Variants in DNAH9 observed in about 807,000 individuals in gnomAD.
DNAH9 encodes DNAH9 variant protein.
Under a neutral mutation model 471.6 loss-of-function variants are expected in DNAH9, and 345 were observed. That is an observed-to-expected ratio of 0.73 (90% CI 0.67 to 0.80). The LOEUF is 0.80. Ranked by LOEUF, DNAH9 falls within the 30% of genes least tolerant of loss-of-function variation. The pLI, the probability that DNAH9 is intolerant of heterozygous loss-of-function variation, is 0.00. For missense variants in DNAH9, 5,407 were observed against 5,609.2 expected, an observed-to-expected ratio of 0.96 and a Z score of 1.15; for synonymous variants, 2,093 against 2,123.6, an observed-to-expected ratio of 0.99 and a Z score of 0.40.
intron 61 of DNAH9, among the ~76,000 whole-genome samples, chr17:11,923,472 C>T (rs1042055083): frequency 3.3e-5 from 5 of 152,160 alleles, no homozygotes; most frequent in Non-Finnish European, 5.9e-5. Context: ...CCACCACGCC[C>T]AGCTAATTTT....
intron 10 of DNAH9, among the ~76,000 whole-genome samples, chr17:11,640,777 C>T (rs1008328795): frequency 1.3e-5 from 2 of 152,128 alleles, no homozygotes; most frequent in African/African-American, 4.8e-5. Flanking sequence ...GGTCTCTGTC[C>T]ATCAGGATAA....
At chr17:11,863,603 C>T (rs1373625330) in intron 50 of DNAH9, among the ~76,000 whole-genome samples, 1 of 151,414 alleles carries the variant, frequency 6.6e-6, no homozygotes, top group Non-Finnish European at 1.5e-5. Flanking sequence ...ATGGTGCCAG[C>T]TCCTCCTTGT....
rs869105187 is a variant in DNAH9 at position 11,811,989 on chromosome 17, CAAAAAAAAA to C, written c.8707+1650_8707+1658del. Among the ~76,000 whole-genome samples, 107 of 30,316 alleles carry C rather than the reference CAAAAAAAAA, an allele frequency of 3.5e-3. 6 individuals carry two copies. Among genetic ancestry groups the C allele is most frequent in the African/African-American group, 7.0e-3 (90 of 12,814 alleles). The allele number at this position is 30,316 out of a possible 152,430, so 19.9% of individuals were successfully genotyped here. A position where few individuals can be genotyped will look rare whatever the true frequency, so the allele number is the denominator to read the frequency against. On this transcript the variant is annotated intron_variant, in intron 45 of 68. Coordinates refer to ENST00000262442, the MANE Select transcript of DNAH9 (RefSeq NM_001372.4). ...TGGGTGACTGAGTGAGACTCTGTCTCAAAAAAAAAAAAAAAAAAAAAAAAAAAAAAAAAA... is the reference window on the plus strand; with the variant it reads ...TGGGTGACTGAGTGAGACTCTGTCTCAAAAAAAAAAAAAAAAAAAAAAAAA...
intron 1 of DNAH9, among the ~76,000 whole-genome samples, chr17:11,605,312 T>G (rs749195709): frequency 2.0e-5 from 3 of 152,198 alleles, no homozygotes; most frequent in Non-Finnish European, 4.4e-5. Context: ...TTCACAGAAC[T>G]TACTGTTTCT....
chr17:11,801,312 C>T (rs972270287), intron 43 of DNAH9, among the ~76,000 whole-genome samples: 2 of 152,136 alleles, frequency 1.3e-5, no homozygotes, highest in Admixed American at 1.3e-4. Flanking sequence ...GCTCCTTGAG[C>T]ACACAGACTG....
At chr17:11,766,232 C>A in intron 36 of DNAH9, among the ~76,000 whole-genome samples, 1 of 150,512 alleles carries the variant, frequency 6.6e-6, no homozygotes, top group South Asian at 2.1e-4. Flanking sequence ...ATGGTGCTTA[C>A]ATTGAAAAAA....
chr17:11,932,284 G>A lies in DNAH9; in HGVS notation c.12297+79G>A, dbSNP rs1351190008. The A allele has an allele frequency of 7.6e-6, 11 of 1,455,160 alleles. No individual in the cohort carries two copies. Among genetic ancestry groups the A allele is most frequent in the South Asian group, 1.3e-5 (1 of 78,268 alleles). The allele number at this position is 1,455,160 out of a possible 1,614,324, so 90.1% of individuals were successfully genotyped here. A position where few individuals can be genotyped will look rare whatever the true frequency, so the allele number is the denominator to read the frequency against. On this transcript the variant is annotated intron_variant, in intron 64 of 68. Coordinates refer to ENST00000262442, the MANE Select transcript of DNAH9 (RefSeq NM_001372.4). This position sits in a 1 kb window ranked among gnomAD's most constrained non-coding sequence, Gnocchi z 4.3. ...TTTAATTTTGAGGGGTGAATCAGAG[G>A]GGTCTAGGATGGGGCCTGAGAATGT... is the stretch of plus-strand genomic sequence containing the variant.
At chr17:11,766,831 A>G (rs759083365) in intron 36 of DNAH9, among the ~76,000 whole-genome samples, 31 of 152,070 alleles carry the variant, frequency 2.0e-4, no homozygotes, top group Non-Finnish European at 3.4e-4. Context: ...GGGCTTGGGC[A>G]TGGTGGCGGG....
intron 26 of DNAH9, among the ~76,000 whole-genome samples, chr17:11,712,654 C>T (rs1048288941): frequency 5.3e-5 from 8 of 151,938 alleles, no homozygotes; most frequent in African/African-American, 1.9e-4. Flanking sequence ...GACTTTAATT[C>T]GCATTTTTCT....
intron 64 of DNAH9, among the ~76,000 whole-genome samples, chr17:11,933,154 C>T (rs1037039715): frequency 6.6e-6 from 1 of 152,122 alleles, no homozygotes; most frequent in Non-Finnish European, 1.5e-5. Flanking sequence ...TCCCTTTGAA[C>T]TTTCAAAGGG....
rs771369347 is a variant in DNAH9 at position 11,694,304 on chromosome 17, A to G, written c.4746-17A>G. The G allele has an allele frequency of 2.1e-5, 34 of 1,613,360 alleles. No homozygotes were observed. Among genetic ancestry groups the G allele is most frequent in the South Asian group, 3.3e-5 (3 of 91,024 alleles). On this transcript the variant is annotated splice_polypyrimidine_tract_variant and intron_variant, in intron 21 of 68. Coordinates refer to ENST00000262442, the MANE Select transcript of DNAH9 (RefSeq NM_001372.4). ...TAGACATTCTTAACTGGGAAATTCT[A>G]TGTTCTGTGCCCTCAGATTGTGCCT...
intron 20 of DNAH9, among the ~76,000 whole-genome samples, chr17:11,693,312 T>C (rs2150757311): frequency 6.8e-6 from 1 of 146,326 alleles, no homozygotes; most frequent in African/African-American, 2.5e-5. Flanking sequence ...TGGCACGATC[T>C]TGGCTCTCTG....
intron 22 of DNAH9, among the ~76,000 whole-genome samples, chr17:11,696,995 A>G (rs1428526270): frequency 6.6e-6 from 1 of 152,098 alleles, no homozygotes; most frequent in African/African-American, 2.4e-5. Flanking sequence ...CAGGCTCCAG[A>G]GTAGCTGGAA....
intron 4 of DNAH9, chr17:11,612,065 C>T: frequency 3.4e-6 from 2 of 591,882 alleles, no homozygotes; most frequent in Non-Finnish European, 6.0e-6. Context: ...GCCTACTTTT[C>T]TAGGTCCGTG....
At chr17:11,682,687 A>G (rs2074156229) in intron 19 of DNAH9, among the ~76,000 whole-genome samples, 2 of 152,198 alleles carry the variant, frequency 1.3e-5, no homozygotes, top group Non-Finnish European at 2.9e-5. Context: ...TAAAACTCCC[A>G]ATATGCCCAG....
intron 49 of DNAH9, 69 bp from the exon 50 acceptor site, chr17:11,853,934 C>T: frequency 6.8e-7 from 1 of 1,476,728 alleles, no homozygotes; most frequent in Non-Finnish European, 9.3e-7. Flanking sequence ...CACAACCTAA[C>T]TCCATCAGTG....
At chr17:11,794,088 A>C (rs1279847709) in intron 42 of DNAH9, among the ~76,000 whole-genome samples, 4 of 121,798 alleles carry the variant, frequency 3.3e-5, no homozygotes, top group African/African-American at 1.3e-4. Context: ...TCTTTCGCCC[A>C]GGCTGGAGTG....
At chr17:11,815,581 G>C (rs1336576795) in intron 45 of DNAH9, among the ~76,000 whole-genome samples, 1 of 152,176 alleles carries the variant, frequency 6.6e-6, no homozygotes, top group African/African-American at 2.4e-5. Context: ...TTGAGCCCCA[G>C]AGTTCAAGGC....
At chr17:11,940,328 G>A (rs1196643005) in intron 66 of DNAH9, among the ~76,000 whole-genome samples, 1 of 152,176 alleles carries the variant, frequency 6.6e-6, no homozygotes, top group Non-Finnish European at 1.5e-5. Context: ...CCTAATCAGA[G>A]ATGAACCAGA....
Sources: gnomAD v4.1 joint callset for allele counts (sites outside exome capture counted in the v4.1 genomes callset) on GRCh38, gnomAD v4.1.1 for gene constraint, Gnocchi (gnomAD v3.1) non-coding constraint, MANE v1.5 for transcripts, NCBI Gene and HGNC (gene_info 2026-07-23, HGNC 2026-07-21) for gene names.